The following GRM8 variants were observed in gnomAD, a reference collection of about 807,000 sequenced individuals.
GRM8 encodes metabotropic glutamate receptor 8.
Under a neutral mutation model 87.2 loss-of-function variants are expected in GRM8, and 47 were observed. The ratio of observed to expected loss-of-function variants is 0.54; its 90% CI spans 0.43 to 0.69. The LOEUF (loss-of-function observed/expected upper bound fraction) is 0.69, where lower values mean the gene tolerates loss of function less well. GRM8 is among the 30% of genes least tolerant of loss of function. The pLI is 0.00. For missense variants in GRM8, 1,019 were observed against 1,139.2 expected, an observed-to-expected ratio of 0.89 and a Z score of 1.52; for synonymous variants, 396 against 404.5, an observed-to-expected ratio of 0.98 and a Z score of 0.25.
intron 7 of GRM8, among the ~76,000 whole-genome samples, chr7:126,618,071 C>A (rs1799715264): frequency 1.3e-5 from 2 of 152,172 alleles, no homozygotes. Context: ...ATTGCCAAGA[C>A]AATCCTAAGC....
At chr7:126,613,182 T>G (rs1233210632) in intron 7 of GRM8, among the ~76,000 whole-genome samples, 1 of 152,212 alleles carries the variant, frequency 6.6e-6, no homozygotes, top group Non-Finnish European at 1.5e-5. Flanking sequence ...CATAAGGAAC[T>G]AACTCATTAG....
chr7:126,830,532 G>A lies in GRM8; in HGVS notation c.1157-60467C>T, dbSNP rs181593014. ...CGTCTGCATTCTTCACATAGTTCTC[G>A]AGCCTTGGCTTTCAGCTCCATCAGC... is the stretch of plus-strand genomic sequence containing the variant. On this transcript the variant is annotated intron_variant, in intron 6 of 10. Coordinates refer to ENST00000339582, the MANE Select transcript of GRM8 (RefSeq NM_000845.3). 4.1e-4 allele frequency among the ~76,000 whole-genome samples: 63 copies of A among 152,102 alleles called. 2 individuals carry two copies. Among genetic ancestry groups the A allele is most frequent in the Admixed American group, 3.1e-3 (48 of 15,298 alleles).
chr7:126,636,397 C>A (rs1801855018), intron 7 of GRM8, among the ~76,000 whole-genome samples: 1 of 151,986 alleles, frequency 6.6e-6, no homozygotes, highest in Non-Finnish European at 1.5e-5. Flanking sequence ...GTACATCCTC[C>A]TGTATATTTT....
At chr7:126,582,612 G>A (rs1384101305) in intron 8 of GRM8, among the ~76,000 whole-genome samples, 1 of 152,184 alleles carries the variant, frequency 6.6e-6, no homozygotes, top group Non-Finnish European at 1.5e-5. Flanking sequence ...CTAGAAAGAA[G>A]TCAATGCCTG....
intron 9 of GRM8, among the ~76,000 whole-genome samples, chr7:126,484,970 T>G (rs1158884854): frequency 6.6e-6 from 1 of 152,092 alleles, no homozygotes; most frequent in South Asian, 2.1e-4. Flanking sequence ...CTTGATTTTG[T>G]TTACCAGAAT....
chr7:126,796,341 A>G (rs1417350154), intron 6 of GRM8, among the ~76,000 whole-genome samples: 1 of 152,104 alleles, frequency 6.6e-6, no homozygotes, highest in Non-Finnish European at 1.5e-5. Context: ...CTGAAAAAAA[A>G]GTGAAATTCT....
intron 6 of GRM8, among the ~76,000 whole-genome samples, chr7:126,776,995 G>C (rs1819549084): frequency 6.6e-6 from 1 of 152,140 alleles, no homozygotes; most frequent in African/African-American, 2.4e-5. Context: ...GAAGTATCCT[G>C]TAACTGGGCT....
chr7:126,982,663 G>A (rs151246536), intron 3 of GRM8, among the ~76,000 whole-genome samples: 8,932 of 147,446 alleles, frequency 0.061, 862 homozygotes, highest in African/African-American at 0.2. Flanking sequence ...GTACAAGTGT[G>A]TACATGCACA....
chr7:126,520,269 G>T (rs1420073920), intron 9 of GRM8, among the ~76,000 whole-genome samples: 1 of 152,046 alleles, frequency 6.6e-6, no homozygotes, highest in Non-Finnish European at 1.5e-5. Context: ...GAAGTTTAGA[G>T]AAAAGAAAAT....
At chr7:127,108,527 G>A (rs964709665) in intron 2 of GRM8, among the ~76,000 whole-genome samples, 2 of 152,032 alleles carry the variant, frequency 1.3e-5, no homozygotes, top group African/African-American at 4.8e-5. Context: ...TTTGGATACC[G>A]ATACTCCCAC....
chr7:127,242,481 AAG>A (rs1318025917), intron 2 of GRM8, among the ~76,000 whole-genome samples: 1 of 152,188 alleles, frequency 6.6e-6, no homozygotes, highest in African/African-American at 2.4e-5. Flanking sequence ...AAAAAAAAAA[AAG>A]AGTCAAAATT....
intron 7 of GRM8, among the ~76,000 whole-genome samples, chr7:126,739,593 T>C (rs749007372): frequency 6.6e-6 from 1 of 152,138 alleles, no homozygotes; most frequent in Non-Finnish European, 1.5e-5. Flanking sequence ...TAAATCACTG[T>C]TCTCAATTTT....
intron 3 of GRM8, among the ~76,000 whole-genome samples, chr7:126,928,154 T>C (rs1036935611): frequency 1.5e-5 from 2 of 134,548 alleles, no homozygotes; most frequent in African/African-American, 2.9e-5. Flanking sequence ...CACTCATAAG[T>C]GGGAGTTGAA....
chr7:126,701,053 G>GTA lies in GRM8; in HGVS notation c.1357+68810_1357+68811dup, dbSNP rs1316514917. 1.1e-3 allele frequency among the ~76,000 whole-genome samples: 171 copies of GTA among 150,418 alleles called. 1 individual carries two copies. The highest frequency in any genetic ancestry group is 3.9e-3 in the African/African-American group (160 of 40,806). On this transcript the variant is annotated intron_variant, in intron 7 of 10. Coordinates refer to ENST00000339582, the MANE Select transcript of GRM8 (RefSeq NM_000845.3). ...TTAATAAATGTATATATATATGTGTGTATATATATATAACCAATAATTACC... is the reference window on the plus strand; with the variant it reads ...TTAATAAATGTATATATATATGTGTGTATATATATATATAACCAATAATTACC...
chr7:126,493,064 G>A (rs775474678), intron 9 of GRM8, among the ~76,000 whole-genome samples: 2 of 151,970 alleles, frequency 1.3e-5, no homozygotes, highest in Non-Finnish European at 2.9e-5. Flanking sequence ...GCTTTGTTTT[G>A]TTGAGCTTTG....
chr7:126,445,978 T>G (rs1261992064), intron 10 of GRM8, 148 bp downstream of exon 10: 2 of 915,296 alleles, frequency 2.2e-6, no homozygotes, highest in African/African-American at 3.3e-5. Flanking sequence ...CGAATGGTTT[T>G]AAATGTGATG....
At chr7:126,653,108 G>C (rs1804102441) in intron 7 of GRM8, among the ~76,000 whole-genome samples, 1 of 152,006 alleles carries the variant, frequency 6.6e-6, no homozygotes, top group Non-Finnish European at 1.5e-5. Flanking sequence ...GCCAAAACCA[G>C]CCAGGCAAGA....
intron 10 of GRM8, among the ~76,000 whole-genome samples, chr7:126,442,437 A>G (rs924722880): frequency 9.2e-5 from 14 of 152,010 alleles, no homozygotes; most frequent in African/African-American, 3.4e-4. Flanking sequence ...GGACTTTCAT[A>G]TAATCTTCAC....
At chr7:127,134,605 T>C (rs1827854741) in intron 2 of GRM8, among the ~76,000 whole-genome samples, 1 of 152,142 alleles carries the variant, frequency 6.6e-6, no homozygotes, top group African/African-American at 2.4e-5. Context: ...AAAACAAATT[T>C]TAAAGAGAAA....
Sources: allele counts gnomAD v4.1 joint callset (sites outside exome capture counted in the v4.1 genomes callset), GRCh38; gene constraint gnomAD v4.1.1; transcripts MANE v1.5; gene names NCBI Gene and HGNC (gene_info 2026-07-23, HGNC 2026-07-21).